The following MINDY3 variants were observed in gnomAD, a reference collection of about 807,000 sequenced individuals.
MINDY3 encodes the protein MINDY lysine 48 deubiquitinase 3.
MINDY3 carries 38 observed loss-of-function variants against 69.2 expected under a neutral mutation model. That is an observed-to-expected ratio of 0.55 (90% CI 0.42 to 0.72). MINDY3 has a LOEUF of 0.72. Among genes scored for constraint, MINDY3 ranks in the 30% least tolerant of loss-of-function variants. The probability of loss-of-function intolerance (pLI) is 0.00; values close to 1 mark genes in which losing one functional copy is unlikely to be tolerated. For synonymous variants in MINDY3, 192 were observed against 180.1 expected (o/e 1.07, Z -0.53); for missense variants, 522 against 519.0 (o/e 1.01, Z -0.06).
Position 15,847,631 on chromosome 10 carries a change from G to A in MINDY3, c.174+233C>T, listed in dbSNP as rs370138746. 3.2e-4 allele frequency among the ~76,000 whole-genome samples: 48 copies of A among 152,128 alleles called. No homozygotes were observed. In the South Asian group the frequency reaches 7.3e-3, roughly 23 times the overall value. ...CCTAATTTTCTGAAAGTCAGGGAAC[G>A]CCTATTATTTTTCCTTGAAAATAAA... On this transcript the variant is annotated intron_variant, in intron 2 of 14. Transcript: ENST00000277632.
chr10:15,858,384 C>T (rs1325306531), intron 1 of MINDY3, among the ~76,000 whole-genome samples: 2 of 152,100 alleles, frequency 1.3e-5, no homozygotes, highest in African/African-American at 4.8e-5. Flanking sequence ...AATGATTAGC[C>T]ATCAAATAAA....
At chr10:15,853,899 G>C (rs921761017) in intron 1 of MINDY3, among the ~76,000 whole-genome samples, 34 of 152,034 alleles carry the variant, frequency 2.2e-4, no homozygotes, top group African/African-American at 7.2e-4. Flanking sequence ...GCAGTAACTT[G>C]GAACACTTGT....
intron 10 of MINDY3, among the ~76,000 whole-genome samples, chr10:15,816,154 G>A (rs1246884718): frequency 6.6e-6 from 1 of 151,424 alleles, no homozygotes; most frequent in Admixed American, 6.6e-5. Flanking sequence ...CCAGCTACTC[G>A]GGAGGCTGAA....
At chr10:15,834,395 A>G in intron 7 of MINDY3, 148 bp downstream of exon 7, 1 of 462,422 alleles carries the variant, frequency 2.2e-6, no homozygotes, top group Non-Finnish European at 3.8e-6. Flanking sequence ...CAAACAATGC[A>G]TAATACAAAG....
chr10:15,799,888 G>A (rs1277257284), intron 10 of MINDY3, among the ~76,000 whole-genome samples: 1 of 152,122 alleles, frequency 6.6e-6, no homozygotes. Context: ...CGAGCTTCTC[G>A]TGAGCTATTA....
At chr10:15,838,390 C>T (rs1833233292) in intron 4 of MINDY3, 111 bp from the exon 5 acceptor site, 3 of 847,900 alleles carry the variant, frequency 3.5e-6, no homozygotes, top group Non-Finnish European at 5.1e-6. Context: ...TATTTCCTTA[C>T]TCCCTTAAAA....
intron 10 of MINDY3, among the ~76,000 whole-genome samples, chr10:15,808,781 A>C (rs1838802137): frequency 6.6e-6 from 1 of 152,160 alleles, no homozygotes; most frequent in Non-Finnish European, 1.5e-5. Context: ...ATAACCATAA[A>C]AGAGAACAAA....
intron 8 of MINDY3, among the ~76,000 whole-genome samples, chr10:15,832,161 A>G (rs1197939224): frequency 6.6e-6 from 1 of 152,146 alleles, no homozygotes; most frequent in Non-Finnish European, 1.5e-5. Context: ...CACACTGATG[A>G]GTACCAAGTG....
At position 15,819,585 on chromosome 10, in the gene MINDY3, T is replaced by G. The variant is rs1162833136; in HGVS notation, c.801+2071A>C. Among the ~76,000 whole-genome samples the G allele has an allele frequency of 2.0e-5, 3 of 152,140 alleles. No homozygotes were observed. The East Asian group carries it at 5.8e-4, about 29-fold the overall frequency. ...AATCCACAGGGGAGCTCAGGCAATC[T>G]AGCTGACCCCATCCTACTTCAGGTA... On this transcript the variant is annotated intron_variant, in intron 9 of 14. Transcript: ENST00000277632.
intron 2 of MINDY3, among the ~76,000 whole-genome samples, chr10:15,844,200 G>A (rs1232547014): frequency 2.0e-5 from 3 of 152,088 alleles, no homozygotes; most frequent in Non-Finnish European, 4.4e-5. Context: ...ACAATTCAAG[G>A]TGTTACAACA....
At chr10:15,841,929 G>A (rs1352243867) in intron 3 of MINDY3, among the ~76,000 whole-genome samples, 2 of 151,636 alleles carry the variant, frequency 1.3e-5, no homozygotes, top group Non-Finnish European at 3.0e-5. Flanking sequence ...TAAGCCAAGA[G>A]GTTTCCTCTA....
intron 1 of MINDY3, among the ~76,000 whole-genome samples, chr10:15,858,921 C>T (rs1239625957): frequency 6.6e-6 from 1 of 151,800 alleles, no homozygotes; most frequent in Non-Finnish European, 1.5e-5. Flanking sequence ...AGGTAACTGA[C>T]ATAATTGAAT....
intron 3 of MINDY3, among the ~76,000 whole-genome samples, chr10:15,842,587 G>A (rs953873885): frequency 2.0e-5 from 3 of 151,766 alleles, no homozygotes; most frequent in African/African-American, 4.8e-5. Context: ...AATGTAAGCT[G>A]TTACATCCTT....
intron 10 of MINDY3, among the ~76,000 whole-genome samples, chr10:15,797,055 A>G (rs571391502): frequency 1.9e-4 from 29 of 152,060 alleles, no homozygotes; most frequent in Non-Finnish European, 3.4e-4. Context: ...TGGGGTACAA[A>G]TGTTAACATC....
chr10:15,781,611 C>T (rs912968320), intron 14 of MINDY3, among the ~76,000 whole-genome samples: 1 of 152,066 alleles, frequency 6.6e-6, no homozygotes, highest in Non-Finnish European at 1.5e-5. Context: ...AGCATGGTCT[C>T]TGAGCTGGAC....
At chr10:15,783,434 G>T (rs920223291) in intron 13 of MINDY3, among the ~76,000 whole-genome samples, 3 of 152,048 alleles carry the variant, frequency 2.0e-5, no homozygotes, top group Non-Finnish European at 4.4e-5. Context: ...AAGATCTTTT[G>T]TTGGCCTTTT....
At chr10:15,825,263 C>A (rs771437666) in intron 8 of MINDY3, among the ~76,000 whole-genome samples, 1 of 152,154 alleles carries the variant, frequency 6.6e-6, no homozygotes, top group African/African-American at 2.4e-5. Context: ...ATTTCCAAAT[C>A]TGAAAAAAAT....
intron 9 of MINDY3, among the ~76,000 whole-genome samples, chr10:15,821,381 T>C (rs1047845122): frequency 6.6e-6 from 1 of 152,210 alleles, no homozygotes; most frequent in Non-Finnish European, 1.5e-5. Flanking sequence ...TATTCAATAA[T>C]AGATGTCTGT....
Position 15,860,359 on chromosome 10 carries a change from G to A in MINDY3, c.-60C>T. The A allele has an allele frequency of 7.9e-7, 1 of 1,272,362 alleles. No homozygotes were observed. Among genetic ancestry groups the A allele is most frequent in the East Asian group, 2.5e-5 (1 of 40,448 alleles). 78.8% of individuals were successfully genotyped at this position (1,272,362 alleles called of 1,614,324 possible). On this transcript the variant is annotated 5_prime_UTR_variant, in exon 1 of 15. Coordinates refer to ENST00000277632, the MANE Select transcript of MINDY3 (RefSeq NM_024948.4). ...GACTCCTGCCCCGGAACATGGGGAA[G>A]GGGCAACTCCGGAAACAGCAGCTGC...
Sources: allele counts gnomAD v4.1 joint callset (sites outside exome capture counted in the v4.1 genomes callset), GRCh38; gene constraint gnomAD v4.1.1; transcripts MANE v1.5; gene names NCBI Gene and HGNC (gene_info 2026-07-23, HGNC 2026-07-21).